Variants in IGDCC4 observed in about 807,000 individuals in gnomAD.
The protein encoded by IGDCC4 is likely ortholog of mouse neighbor of Punc E11.
A neutral mutation model predicts 116.6 loss-of-function variants in IGDCC4; 72 were observed. The ratio of observed to expected loss-of-function variants is 0.62; its 90% CI spans 0.51 to 0.75. The LOEUF (loss-of-function observed/expected upper bound fraction) is 0.75. Among genes scored for constraint, IGDCC4 ranks in the 30% least tolerant of loss-of-function variants. IGDCC4 has a pLI of 0.00. For synonymous variants in IGDCC4, 709 were observed against 719.9 expected, an observed-to-expected ratio of 0.98 and a Z score of 0.24; for missense variants, 1,501 against 1,662.4, an observed-to-expected ratio of 0.90 and a Z score of 1.69.
rs1259802547 is a variant in IGDCC4 at position 65,402,357 on chromosome 15, G to C, written c.694C>G (p.His232Asp). 1 of 1,567,964 alleles carries C rather than the reference G, an allele frequency of 6.4e-7. No individual in the cohort carries two copies. The highest frequency in any genetic ancestry group is 8.7e-7 in the Non-Finnish European group (1 of 1,155,586). The change falls in exon 4 of 20, where the codon CAC becomes GAC. Residue 232 changes from histidine (H) to aspartate (D), a missense_variant. This residue lies in a region of IGDCC4 where 898 missense variants were observed against 978.9 expected (regional missense o/e 0.92). Coordinates refer to ENST00000352385, the MANE Select transcript of IGDCC4 (RefSeq NM_020962.3). ...ACCCAGCCAGCCCCCTTACCTCTGT[G>C]GGCCACACTGAGTAGGGCCTCCTGG... ...FSQEALLSVA[H>D]RGSLASTRGQ...
At chr15:65,408,963 G>A (rs959774499) in intron 3 of IGDCC4, among the ~76,000 whole-genome samples, 1 of 151,438 alleles carries the variant, frequency 6.6e-6, no homozygotes, top group African/African-American at 2.4e-5. Context: ...CTTCCAAGTA[G>A]CGGGGACCAC....
chr15:65,384,867 AG>A lies in IGDCC4; in HGVS notation c.3342+86del, dbSNP rs2091437579. On this transcript the variant is annotated intron_variant, in intron 19 of 19. Coordinates refer to ENST00000352385, the MANE Select transcript of IGDCC4 (RefSeq NM_020962.3). This position sits in a 1 kb window ranked among gnomAD's most constrained non-coding sequence, Gnocchi z 4.9. ...TCTATCCCCAGGAAAGTTACCACCC[AG>A]GGGTCTCCAGAGAACTCATTACTTC... 3 of 1,490,396 alleles carry A rather than the reference AG, an allele frequency of 2.0e-6. No homozygotes were observed. Among genetic ancestry groups the A allele is most frequent in the East Asian group, 4.8e-5 (2 of 41,650 alleles). The allele number at this position is 1,490,396 out of a possible 1,614,324, so 92.3% of individuals were successfully genotyped here.
At chr15:65,399,124 C>T (rs1202142423) in intron 5 of IGDCC4, among the ~76,000 whole-genome samples, 4 of 152,196 alleles carry the variant, frequency 2.6e-5, no homozygotes, top group Admixed American at 2.6e-4. Context: ...TGAGGCAGGG[C>T]CCCAGATTCT....
Position 65,385,855 on chromosome 15 carries a change from T to G in IGDCC4, c.3156A>C (p.Glu1052Asp), listed in dbSNP as rs747304224. The G allele has an allele frequency of 1.2e-6, 2 of 1,612,684 alleles. No homozygotes were observed. The highest frequency in any genetic ancestry group is 1.7e-6 in the Non-Finnish European group (2 of 1,179,982). ...CCTTTCTTTTGGAGTGACTCCGGCC[T>G]TCAGAAACACCGCCACCCATAAGGC... The part of the protein sequence containing the change: ...VHSLMGGGVS[E>D]GRSHSKRKIS... Residue 1052 changes from glutamate to aspartate, a missense_variant, in exon 18 of 20, where the codon GAA (glutamate) becomes GAC (aspartate). By Grantham distance (45) the Glu-to-Asp change is conservative. Coordinates refer to ENST00000352385, the MANE Select transcript of IGDCC4 (RefSeq NM_020962.3).
chr15:65,388,412 T>C, intron 16 of IGDCC4, 37 bp downstream of exon 16: 1 of 1,612,704 alleles, frequency 6.2e-7, no homozygotes. Context: ...GGCTTGGAAG[T>C]CAATCCAGGG....
chr15:65,401,651 G>A (rs1480072404), intron 4 of IGDCC4, among the ~76,000 whole-genome samples: 6 of 152,182 alleles, frequency 3.9e-5, no homozygotes, highest in Non-Finnish European at 8.8e-5. Flanking sequence ...GGAAGCAAGG[G>A]AGGTGCCCCT....
chr15:65,415,922 G>C (rs920465839), intron 1 of IGDCC4, among the ~76,000 whole-genome samples: 4 of 152,022 alleles, frequency 2.6e-5, no homozygotes, highest in Non-Finnish European at 5.9e-5. Flanking sequence ...CAGACAAGGG[G>C]GTGTGGTGGG....
intron 1 of IGDCC4, among the ~76,000 whole-genome samples, chr15:65,417,844 C>A (rs2063158452): frequency 6.6e-6 from 1 of 152,204 alleles, no homozygotes; most frequent in Non-Finnish European, 1.5e-5. Context: ...GATCCGCCCA[C>A]CTTGGCCTCC....
Position 65,386,598 on chromosome 15 carries a change from G to A in IGDCC4, c.2904C>T (p.Leu968=), listed in dbSNP as rs750495591. 7 of 1,612,242 alleles carry A rather than the reference G, an allele frequency of 4.3e-6. No homozygotes were observed. The highest frequency in any genetic ancestry group is 8.5e-7 in the Non-Finnish European group (1 of 1,179,776). ...CAGCACACATGCAGGCCAGGAGGCA[G>A]AGGAGGCCCAGGCAGACACCCACGA... ...GIIVGVCLGL[L]CLLACMCAGL... Residue 968 remains leucine (L), a synonymous_variant, in exon 17 of 20, where the codon CTC becomes CTT. Coordinates refer to ENST00000352385, the MANE Select transcript of IGDCC4 (RefSeq NM_020962.3).
chr15:65,402,844 GCGA>G (rs2063003328), intron 3 of IGDCC4, among the ~76,000 whole-genome samples: 2 of 152,180 alleles, frequency 1.3e-5, no homozygotes, highest in South Asian at 4.1e-4. Context: ...TCCAGCCTGG[GCGA>G]CAACAGCAAA....
intron 5 of IGDCC4, among the ~76,000 whole-genome samples, chr15:65,398,363 A>G (rs1206125969): frequency 6.6e-6 from 1 of 151,138 alleles, no homozygotes; most frequent in Non-Finnish European, 1.5e-5. Flanking sequence ...GCAAAACCCC[A>G]TCTCTACTAA....
At chr15:65,394,606 G>T in intron 8 of IGDCC4, 58 bp from the exon 9 acceptor site, 1 of 1,518,040 alleles carries the variant, frequency 6.6e-7, no homozygotes, top group Non-Finnish European at 8.9e-7. Flanking sequence ...GGTGAGGCTC[G>T]GGAGCGGTCA....
chr15:65,402,300 G>T (rs1158041706), intron 4 of IGDCC4, 51 bp downstream of exon 4: 1 of 1,545,204 alleles, frequency 6.5e-7, no homozygotes, highest in African/African-American at 1.4e-5. Context: ...CAGCTCTGAG[G>T]TGGCTGGTTC....
intron 2 of IGDCC4, chr15:65,410,627 C>A: frequency 2.0e-6 from 1 of 489,836 alleles, no homozygotes; most frequent in Non-Finnish European, 3.7e-6. Context: ...TGAGAGCCCC[C>A]TAAGGGGTAA....
At chr15:65,396,216 G>GA in intron 6 of IGDCC4, 53 bp from the exon 7 acceptor site, 2 of 1,188,160 alleles carry the variant, frequency 1.7e-6, no homozygotes, top group East Asian at 3.6e-5. Flanking sequence ...TAAGGTCTCT[G>GA]CCCCCCCCCC....
chr15:65,412,402 C>T (rs759737289), intron 1 of IGDCC4, among the ~76,000 whole-genome samples: 2 of 149,854 alleles, frequency 1.3e-5, no homozygotes, highest in African/African-American at 2.5e-5. Context: ...ATCTCAGCTA[C>T]TCAGGAGGCT....
intron 3 of IGDCC4, among the ~76,000 whole-genome samples, chr15:65,409,220 C>A (rs2063066990): frequency 1.3e-5 from 2 of 152,058 alleles, no homozygotes; most frequent in Non-Finnish European, 2.9e-5. Context: ...CTCCTACAAC[C>A]CCCATCCTTA....
In IGDCC4 at chr15:65,389,366, T is replaced by C; in HGVS notation, c.2454A>G (p.Lys818=). The change falls in exon 14 of 20, where the codon AAA becomes AAG. Residue 818 remains lysine, a synonymous_variant. Coordinates refer to ENST00000352385, the MANE Select transcript of IGDCC4 (RefSeq NM_020962.3). ...CGTGAGACTGCACTGCAAACTCGTATTTGGTGAATGGCTTCAAGCCGCCAA... is the reference window on the plus strand; with the variant it reads ...CGTGAGACTGCACTGCAAACTCGTACTTGGTGAATGGCTTCAAGCCGCCAA... The part of the protein sequence containing the change: ...ILIGGLKPFT[K]YEFAVQSHGV... 6.2e-7 allele frequency: 1 copy of C among 1,614,146 alleles called. No homozygotes were observed. Among genetic ancestry groups the C allele is most frequent in the Non-Finnish European group, 8.5e-7 (1 of 1,180,018 alleles).
rs1298571310 is a variant in IGDCC4 at position 65,391,905 on chromosome 15, G to T, written c.2199C>A (p.Gly733=). The T allele has an allele frequency of 6.2e-7, 1 of 1,613,682 alleles. No individual in the cohort carries two copies. The highest frequency in any genetic ancestry group is 1.3e-5 in the African/African-American group (1 of 74,892). ...CTGGTGCCGGCGCCTTCTCCGTCTTGCCCTTCCACACTGCTGCATAGCCAT... is the reference window on the plus strand; with the variant it reads ...CTGGTGCCGGCGCCTTCTCCGTCTTTCCCTTCCACACTGCTGCATAGCCAT... ...HEDGYAAVWK[G]KTEKAPAPDM... is the part of the protein sequence containing the mutation. The change falls in exon 12 of 20, where the codon GGC becomes GGA. Residue 733 remains glycine (G), a synonymous_variant. Coordinates refer to ENST00000352385, the MANE Select transcript of IGDCC4 (RefSeq NM_020962.3).
Sources: gnomAD v4.1 joint callset for allele counts (sites outside exome capture counted in the v4.1 genomes callset) on GRCh38, gnomAD v4.1.1 for gene constraint, gnomAD v4.1.1 regional missense constraint, Gnocchi (gnomAD v3.1) non-coding constraint, MANE v1.5 for transcripts, NCBI Gene and HGNC (gene_info 2026-07-23, HGNC 2026-07-21) for gene names.